The following UNC5D variants were observed in gnomAD, a reference collection of about 807,000 sequenced individuals.
The protein encoded by UNC5D is netrin receptor UNC5D.
A neutral mutation model predicts 105.4 loss-of-function variants in UNC5D; 39 were observed. The observed-to-expected ratio is 0.37, with a 90% CI of 0.29 to 0.48. UNC5D has a LOEUF of 0.48. UNC5D is among the 20% of genes least tolerant of loss of function. The pLI is 0.98. For missense variants in UNC5D, 991 were observed against 1,202.4 expected (o/e 0.82, Z 2.60); for synonymous variants, 452 against 450.4 (o/e 1.00, Z -0.04).
chr8:35,429,642 A>G (rs1806491274), intron 1 of UNC5D, among the ~76,000 whole-genome samples: 1 of 152,144 alleles, frequency 6.6e-6, no homozygotes, highest in African/African-American at 2.4e-5. Flanking sequence ...CCATTTTATC[A>G]ATCTTATAAC....
intron 1 of UNC5D, among the ~76,000 whole-genome samples, chr8:35,418,056 C>A (rs148485170): frequency 6.6e-6 from 1 of 152,170 alleles, no homozygotes; most frequent in Non-Finnish European, 1.5e-5. Flanking sequence ...ATGACCTTTC[C>A]TTTTTGCAGA....
At chr8:35,242,940 C>G (rs1309260900) in intron 1 of UNC5D, among the ~76,000 whole-genome samples, 1 of 152,106 alleles carries the variant, frequency 6.6e-6, no homozygotes. Flanking sequence ...AATAAACCTA[C>G]TGGGAGAGAA....
intron 1 of UNC5D, among the ~76,000 whole-genome samples, chr8:35,299,271 GA>G (rs1168303453): frequency 1.3e-5 from 2 of 152,198 alleles, no homozygotes; most frequent in Non-Finnish European, 2.9e-5. Context: ...GGCAACGTTG[GA>G]AACTGATCAT....
chr8:35,479,292 A>T (rs1409462945), intron 1 of UNC5D, among the ~76,000 whole-genome samples: 1 of 152,126 alleles, frequency 6.6e-6, no homozygotes, highest in African/African-American at 2.4e-5. Context: ...AAACAAAGGA[A>T]TCAGAAATCA....
chr8:35,566,598 G>T (rs1817355613), intron 2 of UNC5D, among the ~76,000 whole-genome samples: 1 of 152,226 alleles, frequency 6.6e-6, no homozygotes, highest in African/African-American at 2.4e-5. Flanking sequence ...CGAACACCAG[G>T]CTCACACACC....
At chr8:35,512,520 T>G (rs1454609539) in intron 1 of UNC5D, among the ~76,000 whole-genome samples, 1 of 94,204 alleles carries the variant, frequency 1.1e-5, no homozygotes, top group Non-Finnish European at 2.0e-5. Flanking sequence ...CTGCATAGAT[T>G]ATATATTCAG....
intron 4 of UNC5D, among the ~76,000 whole-genome samples, chr8:35,657,256 G>A (rs1428589100): frequency 6.6e-6 from 1 of 151,024 alleles, no homozygotes; most frequent in Non-Finnish European, 1.5e-5. Flanking sequence ...TAGGTACACT[G>A]TTTATTTACA....
intron 1 of UNC5D, among the ~76,000 whole-genome samples, chr8:35,486,178 T>C (rs1810810315): frequency 6.6e-6 from 1 of 152,220 alleles, no homozygotes; most frequent in Admixed American, 6.5e-5. Context: ...TTCAGTAATT[T>C]CCTAATTAGC....
intron 1 of UNC5D, among the ~76,000 whole-genome samples, chr8:35,355,581 T>C (rs1161427370): frequency 6.6e-6 from 1 of 152,190 alleles, no homozygotes; most frequent in African/African-American, 2.4e-5. Flanking sequence ...AACATTGTTA[T>C]GCAGTGCTAC....
rs367983030 is a variant in UNC5D at position 35,593,364 on chromosome 8, T to C, written c.467-2190T>C. On this transcript the variant is annotated intron_variant, in intron 3 of 16. Transcript: ENST00000404895. ...TTTATCTGGCTGAATACAGATTAATTGGTGTCAAAATTGGGATGACCATTT... is the reference window on the plus strand; with the variant it reads ...TTTATCTGGCTGAATACAGATTAATCGGTGTCAAAATTGGGATGACCATTT... Among the ~76,000 whole-genome samples, 41 of 152,312 alleles carry C rather than the reference T, an allele frequency of 2.7e-4. 1 individual carries two copies. The highest frequency in any genetic ancestry group is 8.9e-4 in the African/African-American group (37 of 41,580).
chr8:35,562,366 A>G (rs971582392), intron 2 of UNC5D, among the ~76,000 whole-genome samples: 1 of 152,178 alleles, frequency 6.6e-6, no homozygotes, highest in Admixed American at 6.5e-5. Flanking sequence ...GGGACTGTTG[A>G]ATCATATGGA....
chr8:35,458,251 A>G (rs1378121202), intron 1 of UNC5D, among the ~76,000 whole-genome samples: 2 of 152,142 alleles, frequency 1.3e-5, no homozygotes, highest in Non-Finnish European at 2.9e-5. Flanking sequence ...CTGGCACAGA[A>G]ATGCCTCCCA....
intron 1 of UNC5D, among the ~76,000 whole-genome samples, chr8:35,523,642 AC>A (rs1813649153): frequency 7.3e-6 from 1 of 136,070 alleles, no homozygotes; most frequent in Non-Finnish European, 1.6e-5. Flanking sequence ...GCTAAATAAT[AC>A]TAAAAAAAAA....
intron 1 of UNC5D, among the ~76,000 whole-genome samples, chr8:35,493,004 C>T (rs576185340): frequency 3.9e-4 from 60 of 152,094 alleles, no homozygotes; most frequent in Non-Finnish European, 4.7e-4. Context: ...GGGTGGGGAT[C>T]GTAAGACAAT....
At chr8:35,470,007 C>G (rs1365735244) in intron 1 of UNC5D, among the ~76,000 whole-genome samples, 1 of 152,160 alleles carries the variant, frequency 6.6e-6, no homozygotes, top group East Asian at 1.9e-4. Flanking sequence ...ATGTTGTAAA[C>G]ATAGTGCTGG....
intron 1 of UNC5D, among the ~76,000 whole-genome samples, chr8:35,247,363 A>C (rs1242011599): frequency 2.7e-5 from 4 of 149,546 alleles, no homozygotes; most frequent in African/African-American, 9.8e-5. Context: ...ATTGTAAAAA[A>C]GGTTTGCATT....
chr8:35,540,878 C>T (rs1204915175), intron 1 of UNC5D, among the ~76,000 whole-genome samples: 1 of 152,076 alleles, frequency 6.6e-6, no homozygotes, highest in African/African-American at 2.4e-5. Context: ...GAATAACTGT[C>T]CTGTGTATTA....
chr8:35,274,050 C>A (rs980541674), intron 1 of UNC5D, among the ~76,000 whole-genome samples: 1 of 151,858 alleles, frequency 6.6e-6, no homozygotes, highest in Non-Finnish European at 1.5e-5. Context: ...TCTACCTCAA[C>A]TGACTGAGCA....
intron 1 of UNC5D, among the ~76,000 whole-genome samples, chr8:35,528,335 T>C (rs1814054319): frequency 6.6e-6 from 1 of 151,638 alleles, no homozygotes; most frequent in Non-Finnish European, 1.5e-5. Context: ...CTGAGAATGA[T>C]GATTTCCAAT....
Sources: allele counts gnomAD v4.1 joint callset (sites outside exome capture counted in the v4.1 genomes callset), GRCh38; gene constraint gnomAD v4.1.1; transcripts MANE v1.5; gene names NCBI Gene and HGNC (gene_info 2026-07-23, HGNC 2026-07-21).